Variants in ZC3H14 observed in about 807,000 individuals in gnomAD.
ZC3H14 encodes zinc finger CCCH domain-containing protein 14.
Under a neutral mutation model 92.4 loss-of-function variants are expected in ZC3H14, and 31 were observed. The observed-to-expected ratio is 0.34, with a 90% CI of 0.25 to 0.45. The LOEUF (loss-of-function observed/expected upper bound fraction) is 0.45. ZC3H14 is among the 20% of genes least tolerant of loss of function. The probability of loss-of-function intolerance (pLI) is 1.00; values close to 1 mark genes in which losing one functional copy is unlikely to be tolerated. For synonymous variants in ZC3H14, 321 were observed against 300.9 expected, an observed-to-expected ratio of 1.07 and a Z score of -0.69; for missense variants, 781 against 897.3, an observed-to-expected ratio of 0.87 and a Z score of 1.66.
Position 88,572,243 on chromosome 14 carries a change from A to C in ZC3H14, c.431+18A>C. ...AATGTCAGGTAAGAGTCTGGTGTAGACCTGCTGGGGGCAGATGGCTCTGTG... is the reference window on the plus strand; with the variant it reads ...AATGTCAGGTAAGAGTCTGGTGTAGCCCTGCTGGGGGCAGATGGCTCTGTG... On this transcript the variant is annotated intron_variant, in intron 5 of 16. Coordinates refer to ENST00000251038, the MANE Select transcript of ZC3H14 (RefSeq NM_024824.5). The C allele has an allele frequency of 6.2e-7, 1 of 1,613,534 alleles. No individual in the cohort carries two copies. The highest frequency in any genetic ancestry group is 8.5e-7 in the Non-Finnish European group (1 of 1,179,546).
chr14:88,570,977 A>C, intron 3 of ZC3H14, 107 bp from the exon 4 acceptor site: 1 of 904,170 alleles, frequency 1.1e-6, no homozygotes, highest in Non-Finnish European at 1.5e-6. Context: ...AATATAAAAA[A>C]ATTTAAAAAA....
chr14:88,577,592 G>A (rs991593652), intron 8 of ZC3H14, among the ~76,000 whole-genome samples: 4 of 151,444 alleles, frequency 2.6e-5, no homozygotes, highest in Non-Finnish European at 5.9e-5. Context: ...TTTGGAGACA[G>A]AGTCTCACTC....
Position 88,611,899 on chromosome 14 carries a change from C to T in ZC3H14, c.*148C>T, listed in dbSNP as rs1191868907. ...TTTATTGCCTATCTATCTGAAGTGT[C>T]TAATTTTTCAAGTTTGTAAGTTTAT... On this transcript the variant is annotated 3_prime_UTR_variant, in exon 17 of 17. Transcript: ENST00000251038. 16 of 1,101,198 alleles carry T rather than the reference C, an allele frequency of 1.5e-5. No homozygotes were observed. The highest frequency in any genetic ancestry group is 1.8e-5 in the Non-Finnish European group (14 of 763,508). 68.2% of individuals were successfully genotyped at this position (1,101,198 alleles called of 1,614,324 possible). A position where few individuals can be genotyped will look rare whatever the true frequency, so the allele number is the denominator to read the frequency against.
At position 88,618,828 on chromosome 14, in the gene ZC3H14, A is replaced by G. The variant is rs1452284083; in HGVS notation, c.*7077A>G. 6.4e-7 allele frequency: 1 copy of G among 1,558,460 alleles called. No individual in the cohort carries two copies. The highest frequency in any genetic ancestry group is 8.7e-7 in the Non-Finnish European group (1 of 1,151,590). On this transcript the variant is annotated 3_prime_UTR_variant, in exon 17 of 17. Coordinates refer to ENST00000251038, the MANE Select transcript of ZC3H14 (RefSeq NM_024824.5). ...CGGACTAAATCTGAATCAAAACAAA[A>G]CGTAAAAAGTATTAGACCACATGAA...
At chr14:88,575,369 C>T (rs1366713746) in intron 7 of ZC3H14, among the ~76,000 whole-genome samples, 1 of 151,912 alleles carries the variant, frequency 6.6e-6, no homozygotes, top group Admixed American at 6.6e-5. Context: ...GGAGGAACAA[C>T]ATCAATTAAG....
chr14:88,622,805 C>CTT lies in ZC3H14; in HGVS notation c.*11063_*11064dup, dbSNP rs11382327. The stretch of plus-strand genomic sequence containing the variant: ...ACAAATACCAAGTTATAAGCAGAAT[C>CTT]TTTTTTTTTTAAAAAGGCCCTGATA... On this transcript the variant is annotated 3_prime_UTR_variant, in exon 17 of 17. Transcript: ENST00000251038. 0.033 allele frequency: 16,096 copies of CTT among 487,974 alleles called. 1 individual carries two copies. Among genetic ancestry groups the CTT allele is most frequent in the Non-Finnish European group, 0.041 (12,699 of 313,426 alleles). 30.2% of individuals were successfully genotyped at this position (487,974 alleles called of 1,614,324 possible). A position where few individuals can be genotyped will look rare whatever the true frequency, so the allele number is the denominator to read the frequency against.
In ZC3H14 at chr14:88,627,085, A is replaced by C. The variant is rs748248298; in HGVS notation, c.*15334A>C. The C allele has an allele frequency of 6.3e-7, 1 of 1,596,732 alleles. No homozygotes were observed. Among genetic ancestry groups the C allele is most frequent in the African/African-American group, 1.3e-5 (1 of 74,578 alleles). ...ACAAAATTATCTAGGTTATTACAAG[A>C]ACCAAGCTAATCAACAGCATCAAAC... On this transcript the variant is annotated 3_prime_UTR_variant, in exon 17 of 17. Coordinates refer to ENST00000251038, the MANE Select transcript of ZC3H14 (RefSeq NM_024824.5).
chr14:88,564,996 TC>T (rs1353553608), intron 2 of ZC3H14, among the ~76,000 whole-genome samples: 1 of 152,170 alleles, frequency 6.6e-6, no homozygotes, highest in East Asian at 1.9e-4. Context: ...AAGAAAAGAA[TC>T]CATAGTCTTT....
Position 88,601,947 on chromosome 14 carries a change from G to T in ZC3H14, c.1378G>T (p.Val460Phe). 6.2e-7 allele frequency: 1 copy of T among 1,614,070 alleles called. No individual in the cohort carries two copies. The highest frequency in any genetic ancestry group is 1.3e-5 in the African/African-American group (1 of 75,040). ...AGATTACTATGACATGGAATCCATG[G>T]TCCATGCAGACACAAGATCATTTAT... ...SQDYYDMESMVHADTRSFILK... is the reference protein window; with the variant it reads ...SQDYYDMESMFHADTRSFILK... The change falls in exon 11 of 17, where the codon GTC (valine) becomes TTC (phenylalanine). Residue 460 changes from valine to phenylalanine, a missense_variant. By Grantham distance (50) the Val-to-Phe change is conservative (BLOSUM62 -1). Around this residue, in one of 3 missense-constraint regions of ZC3H14, gnomAD observed 454 missense variants for 438.5 expected, o/e 1.04. Coordinates refer to ENST00000251038, the MANE Select transcript of ZC3H14 (RefSeq NM_024824.5).
rs1317709753 is a variant in ZC3H14, at chr14:88,615,582, G to A, written c.*3831G>A. 1 of 464,200 alleles carries A rather than the reference G, an allele frequency of 2.2e-6. No individual in the cohort carries two copies. The highest frequency in any genetic ancestry group is 2.0e-5 in the African/African-American group (1 of 49,784). The allele number at this position is 464,200 out of a possible 1,614,324, so 28.8% of individuals were successfully genotyped here. A position where few individuals can be genotyped will look rare whatever the true frequency, so the allele number is the denominator to read the frequency against. ...AGGGGGACTTGGCCTTTACCATCAA[G>A]TATTCGATCCTTCCTTGAAATGGCA... On this transcript the variant is annotated 3_prime_UTR_variant, in exon 17 of 17. Coordinates refer to ENST00000251038, the MANE Select transcript of ZC3H14 (RefSeq NM_024824.5).
At chr14:88,583,116 A>T (rs1321132167) in intron 9 of ZC3H14, among the ~76,000 whole-genome samples, 7 of 115,588 alleles carry the variant, frequency 6.1e-5, no homozygotes, top group South Asian at 2.7e-4. Flanking sequence ...TTTCTATTTC[A>T]TTGACTTGTG....
chr14:88,563,108 G>T lies in ZC3H14; in HGVS notation c.-26G>T. 1 of 1,579,860 alleles carries T rather than the reference G, an allele frequency of 6.3e-7. No individual in the cohort carries two copies. ...CCGGGTAAGCCAAGCGCCGCGCAGTGCTGAGTTCCCGCACGCCGCAGAGCC... is the reference window on the plus strand; with the variant it reads ...CCGGGTAAGCCAAGCGCCGCGCAGTTCTGAGTTCCCGCACGCCGCAGAGCC... On this transcript the variant is annotated 5_prime_UTR_variant, in exon 1 of 17. Coordinates refer to ENST00000251038, the MANE Select transcript of ZC3H14 (RefSeq NM_024824.5).
chr14:88,587,517 G>GCCT (rs1272227711), intron 9 of ZC3H14, among the ~76,000 whole-genome samples: 1 of 152,056 alleles, frequency 6.6e-6, no homozygotes, highest in Non-Finnish European at 1.5e-5. Flanking sequence ...ATTCTGTCCT[G>GCCT]CCTCCACCTT....
chr14:88,613,198 G>A lies in ZC3H14; in HGVS notation c.*1447G>A, dbSNP rs2087077865. The A allele has an allele frequency of 6.6e-6, 1 of 152,160 alleles. No individual in the cohort carries two copies. Among genetic ancestry groups the A allele is most frequent in the Non-Finnish European group, 1.5e-5 (1 of 68,050 alleles). 9.4% of individuals were successfully genotyped at this position (152,160 alleles called of 1,614,324 possible). A position where few individuals can be genotyped will look rare whatever the true frequency, so the allele number is the denominator to read the frequency against. ...CCCACAGGAAAGGCTTGAAACACGA[G>A]AAGCAGCAAAGACAGAGCACACAAG... On this transcript the variant is annotated 3_prime_UTR_variant, in exon 17 of 17. Coordinates refer to ENST00000251038, the MANE Select transcript of ZC3H14 (RefSeq NM_024824.5).
intron 4 of ZC3H14, 37 bp from the exon 5 acceptor site, chr14:88,571,989 GAAAT>G: frequency 3.5e-6 from 5 of 1,413,144 alleles, no homozygotes; most frequent in Non-Finnish European, 4.8e-6. Context: ...ATAAAAATAA[GAAAT>G]AAAAATAGAT....
rs1422761495 is a variant in ZC3H14 at position 88,587,945 on chromosome 14, A to C, written c.1280-8789A>C. On this transcript the variant is annotated intron_variant, in intron 9 of 16. Transcript: ENST00000251038. ...GACCCTGTCTCTAAAAATAAAAAAA[A>C]AATTTTAAAGACTATATAAATATTA... Among the ~76,000 whole-genome samples the C allele has an allele frequency of 5.9e-5, 9 of 152,152 alleles. No homozygotes were observed. In the East Asian group the frequency reaches 1.7e-3, roughly 29 times the overall value.
intron 11 of ZC3H14, 114 bp downstream of exon 11, chr14:88,602,197 A>G (rs1159640796): frequency 7.1e-7 from 1 of 1,417,692 alleles, no homozygotes; most frequent in Non-Finnish European, 9.8e-7. Flanking sequence ...GAGTGCTTTC[A>G]TTGATTCAGT....
In ZC3H14 at chr14:88,616,389, G is replaced by A. The variant is rs1257658058; in HGVS notation, c.*4638G>A. 1.3e-6 allele frequency: 1 copy of A among 772,896 alleles called. No individual in the cohort carries two copies. The highest frequency in any genetic ancestry group is 2.1e-6 in the Non-Finnish European group (1 of 471,290). The allele number at this position is 772,896 out of a possible 1,614,324, so 47.9% of individuals were successfully genotyped here. On this transcript the variant is annotated 3_prime_UTR_variant, in exon 17 of 17. Transcript: ENST00000251038. ...CAGTGATTAGAATGCTTTTCAGCAT[G>A]AGTAGTGGATCTGCAAAACCAGGCT...
At chr14:88,611,135 CTTT>C (rs1161090720) in intron 16 of ZC3H14, among the ~76,000 whole-genome samples, 195 bp downstream of exon 16, 2 of 152,068 alleles carry the variant, frequency 1.3e-5, no homozygotes, top group African/African-American at 4.8e-5. Context: ...CCAGTGGTTA[CTTT>C]TTTAACCTAG....
Sources: allele counts gnomAD v4.1 joint callset (sites outside exome capture counted in the v4.1 genomes callset), GRCh38; gene constraint gnomAD v4.1.1; regional missense constraint gnomAD v4.1.1; transcripts MANE v1.5; gene names NCBI Gene and HGNC (gene_info 2026-07-23, HGNC 2026-07-21).